Variants in REPIN1 observed in about 807,000 individuals in gnomAD.
REPIN1 encodes DNA-binding protein REPIN1.
In REPIN1, 4 loss-of-function variants were observed where a neutral mutation model predicts 5.7. The ratio of observed to expected loss-of-function variants is 0.71; its 90% CI spans 0.35 to 1.62. The LOEUF (loss-of-function observed/expected upper bound fraction) is 1.62, where lower values mean the gene tolerates loss of function less well. REPIN1 is among the 40% of genes most tolerant of loss of function. REPIN1 has a pLI of 0.05. For missense variants in REPIN1, 854 were observed against 901.0 expected, an observed-to-expected ratio of 0.95 and a Z score of 0.67; for synonymous variants, 410 against 386.2, an observed-to-expected ratio of 1.06 and a Z score of -0.72.
chr7:150,368,692 G>A, upstream of REPIN1: 1 of 226,698 alleles, frequency 4.4e-6, no homozygotes, highest in East Asian at 1.0e-4. Context: ...GGGGGCGCCC[G>A]CGCCCCGGCC....
intron 2 of REPIN1, chr7:150,370,585 A>T: frequency 1.6e-6 from 1 of 611,644 alleles, no homozygotes; most frequent in Non-Finnish European, 2.9e-6. Flanking sequence ...ATGAAAAGCT[A>T]TAGACACCTT....
At chr7:150,371,106 C>A in intron 2 of REPIN1, 122 bp from the exon 3 acceptor site, 2 of 1,112,058 alleles carry the variant, frequency 1.8e-6, no homozygotes, top group Non-Finnish European at 2.5e-6. Context: ...AGTAGTCTAG[C>A]TCCATGTCCG....
chr7:150,369,411 C>T, intron 1 of REPIN1: 1 of 472,996 alleles, frequency 2.1e-6, no homozygotes, highest in South Asian at 2.2e-5. Context: ...CAGACTCTGG[C>T]CACAGAATGG....
Position 150,371,586 on chromosome 7 carries a change from C to A in REPIN1, c.516C>A (p.Gly172=), listed in dbSNP as rs1169423526. The change falls in exon 3 of 3, where the codon GGC becomes GGA. Residue 172 remains glycine (G), a synonymous_variant. Coordinates refer to ENST00000489432, the MANE Select transcript of REPIN1 (RefSeq NM_001099695.2). ...QVHAAATPDL[G]FACHLCGQSF... is the part of the protein sequence containing the mutation. ...ATGCTGCTGCCACCCCAGACCTGGGCTTTGCCTGCCACCTCTGTGGGCAGA... is the reference window on the plus strand; with the variant it reads ...ATGCTGCTGCCACCCCAGACCTGGGATTTGCCTGCCACCTCTGTGGGCAGA... 7 of 1,604,664 alleles carry A rather than the reference C, an allele frequency of 4.4e-6. No individual in the cohort carries two copies. The South Asian group carries it at 7.7e-5, about 18-fold the overall frequency.
In REPIN1 at chr7:150,369,258, A is replaced by C. The variant is rs1799234472; in HGVS notation, c.-42+317A>C. ...GCGATGCGGAAGGGGATTCTGACGG[A>C]GTCGTGGTCACACCAGCTGGCCCTG... On this transcript the variant is annotated intron_variant, in intron 1 of 2. Coordinates refer to ENST00000489432, the MANE Select transcript of REPIN1 (RefSeq NM_001099695.2). 1.3e-5 allele frequency: 5 copies of C among 379,058 alleles called. No individual in the cohort carries two copies. In the South Asian group the frequency reaches 2.8e-4, roughly 21 times the overall value. 23.5% of individuals were successfully genotyped at this position (379,058 alleles called of 1,614,324 possible). A position where few individuals can be genotyped will look rare whatever the true frequency, so the allele number is the denominator to read the frequency against.
At chr7:150,369,036 G>T in intron 1 of REPIN1, 95 bp downstream of exon 1, 1 of 346,148 alleles carries the variant, frequency 2.9e-6, no homozygotes, top group South Asian at 1.4e-4. Flanking sequence ...GACCGTGTGT[G>T]AGTGCGCGGG....
Position 150,368,947 on chromosome 7 carries a change from G to A in REPIN1, c.-42+6G>A, listed in dbSNP as rs1433155937. ...CTGCACAGCCCGCCGCAGAGGTACG[G>A]CCGGGGCAGGGGCGCGGGGCCACCG... On this transcript the variant is annotated splice_donor_region_variant and intron_variant, in intron 1 of 2. Transcript: ENST00000489432. The A allele has an allele frequency of 2.7e-6, 1 of 374,922 alleles. No homozygotes were observed. Among genetic ancestry groups the A allele is most frequent in the Non-Finnish European group, 4.7e-6 (1 of 211,280 alleles). 23.2% of individuals were successfully genotyped at this position (374,922 alleles called of 1,614,324 possible).
At position 150,371,245 on chromosome 7, in the gene REPIN1, C is replaced by T; in HGVS notation, c.175C>T (p.Leu59=). ...ACCCTCAGCAGAGGAAGAACCGATGCTGGAACGTCGTTGCAGGGGCCCCCT... is the reference window on the plus strand; with the variant it reads ...ACCCTCAGCAGAGGAAGAACCGATGTTGGAACGTCGTTGCAGGGGCCCCCT... The part of the protein sequence containing the change: ...CSLQAEEEPM[L]ERRCRGPLAM... Residue 59 remains leucine, a synonymous_variant, in exon 3 of 3, where the codon CTG becomes TTG. Transcript: ENST00000489432. 6.3e-7 allele frequency: 1 copy of T among 1,597,132 alleles called. No homozygotes were observed. The highest frequency in any genetic ancestry group is 8.5e-7 in the Non-Finnish European group (1 of 1,171,194).
intron 2 of REPIN1, 68 bp downstream of exon 2, chr7:150,369,936 G>A: frequency 6.6e-7 from 1 of 1,514,906 alleles, no homozygotes; most frequent in African/African-American, 1.4e-5. Context: ...TCCCCATCCC[G>A]GCGGAAGGAA....
intron 2 of REPIN1, chr7:150,370,280 AC>A (rs1799492941): frequency 4.1e-6 from 1 of 244,028 alleles, no homozygotes; most frequent in African/African-American, 2.2e-5. Flanking sequence ...AATCTCCAGC[AC>A]CCCGAGGGAG....
At chr7:150,371,184 A>G (rs1029345660) in intron 2 of REPIN1, 44 bp from the exon 3 acceptor site, 4 of 1,506,814 alleles carry the variant, frequency 2.7e-6, no homozygotes, top group Non-Finnish European at 3.5e-6. Flanking sequence ...AAACAGGGGC[A>G]GAGTGAGTTG....
chr7:150,371,502 C>A lies in REPIN1; in HGVS notation c.432C>A (p.Cys144Ter), dbSNP rs748276481. Reference sequence around the variant, plus strand: ...GCCAGGCCCGGCTGCCCTTGCCCTGCCCTGAGTGTGGCCGTCGCTTTCGCC... The same window carrying A: ...GCCAGGCCCGGCTGCCCTTGCCCTGACCTGAGTGTGGCCGTCGCTTTCGCC... ...RRCQARLPLP[C>*]PECGRRFRHA... Residue 144 changes from cysteine (C) to a stop codon, truncating the protein, a stop_gained, in exon 3 of 3, where the codon TGC becomes TGA. Transcript: ENST00000489432. LOFTEE classifies it low-confidence loss of function (END_TRUNC). The A allele has an allele frequency of 1.2e-6, 2 of 1,606,884 alleles. No homozygotes were observed. The highest frequency in any genetic ancestry group is 1.7e-6 in the Non-Finnish European group (2 of 1,179,710).
rs767739264 is a variant in REPIN1 at position 150,372,355 on chromosome 7, C to G, written c.1285C>G (p.Pro429Ala). ...CCCGCAGGACCCGATCGAAGCCCCC[C>G]CCTCCCTCTACAGCTGCGACGACTG... The part of the protein sequence containing the change: ...EHPQDPIEAP[P>A]SLYSCDDCGR... The change falls in exon 3 of 3, where the codon CCC (proline) becomes GCC (alanine). Residue 429 changes from proline to alanine, a missense_variant. Around this residue, in one of 5 missense-constraint regions of REPIN1, gnomAD observed 327 missense variants for 307.8 expected, o/e 1.06. Transcript: ENST00000489432. The G allele has an allele frequency of 6.0e-6, 9 of 1,506,174 alleles. No individual in the cohort carries two copies. Among genetic ancestry groups the G allele is most frequent in the African/African-American group, 2.8e-5 (2 of 70,890 alleles). 93.3% of individuals were successfully genotyped at this position (1,506,174 alleles called of 1,614,324 possible). A position where few individuals can be genotyped will look rare whatever the true frequency, so the allele number is the denominator to read the frequency against.
chr7:150,373,049 G>A lies in REPIN1; in HGVS notation c.*104G>A. 6.8e-7 allele frequency: 1 copy of A among 1,467,218 alleles called. No individual in the cohort carries two copies. Among genetic ancestry groups the A allele is most frequent in the South Asian group, 1.3e-5 (1 of 74,870 alleles). The allele number at this position is 1,467,218 out of a possible 1,614,324, so 90.9% of individuals were successfully genotyped here. On this transcript the variant is annotated 3_prime_UTR_variant, in exon 3 of 3. Coordinates refer to ENST00000489432, the MANE Select transcript of REPIN1 (RefSeq NM_001099695.2). ...GCCTAGTGCTGGAGTAGGGGACAAT[G>A]GGAATCCTAGAGGGGATGGAAGACG... is the stretch of plus-strand genomic sequence containing the variant.
chr7:150,372,426 G>C lies in REPIN1; in HGVS notation c.1356G>C (p.Arg452=). ...RLERFLRAHQ[R]QHTGERPFTC... ...AGCGCTTCCTGCGGGCCCACCAGCG[G>C]CAGCACACCGGGGAGCGGCCCTTCA... Residue 452 remains arginine (R), a synonymous_variant, in exon 3 of 3, where the codon CGG becomes CGC. Transcript: ENST00000489432. 6.7e-7 allele frequency: 1 copy of C among 1,501,780 alleles called. No homozygotes were observed. Among genetic ancestry groups the C allele is most frequent in the Non-Finnish European group, 8.8e-7 (1 of 1,133,512 alleles). The allele number at this position is 1,501,780 out of a possible 1,614,324, so 93.0% of individuals were successfully genotyped here.
rs1225229422 is a variant in REPIN1 at position 150,369,718 on chromosome 7, A to T, written c.7A>T (p.Ile3Leu). 1.2e-6 allele frequency: 2 copies of T among 1,613,638 alleles called. No homozygotes were observed. Among genetic ancestry groups the T allele is most frequent in the African/African-American group, 2.7e-5 (2 of 74,842 alleles). Residue 3 changes from isoleucine (I) to leucine (L), a missense_variant, in exon 2 of 3, where the codon ATA (isoleucine) becomes TTA (leucine). By Grantham distance (5) the Ile-to-Leu change is conservative (BLOSUM62 2). Transcript: ENST00000489432. ...CAGAGGTCTGAGCTCTGCCATGGGG[A>T]TAGGGGTGTCTTTATTACTGCAGTT... is the stretch of plus-strand genomic sequence containing the variant. MG[I>L]GVSLLLQFSL...
At position 150,369,162 on chromosome 7, in the gene REPIN1, C is replaced by T. The variant is rs929106200; in HGVS notation, c.-42+221C>T. 32 of 353,606 alleles carry T rather than the reference C, an allele frequency of 9.0e-5. No homozygotes were observed. In the East Asian group the frequency reaches 1.3e-3, roughly 14 times the overall value. 21.9% of individuals were successfully genotyped at this position (353,606 alleles called of 1,614,324 possible). On this transcript the variant is annotated intron_variant, in intron 1 of 2. Transcript: ENST00000489432. ...CTCGCAAGAACGGGACCCGTGTGCCCGGGAGCGTGGACGGAGGACACGCAT... is the reference window on the plus strand; with the variant it reads ...CTCGCAAGAACGGGACCCGTGTGCCTGGGAGCGTGGACGGAGGACACGCAT...
In REPIN1 at chr7:150,369,802, A is replaced by T. The variant is rs748351890; in HGVS notation, c.91A>T (p.Ser31Cys). ...CCGAAGCAGGCGCTGCAGCCGCGGAAGTATCCCCAGGAACATCCCCAAGAG... is the reference window on the plus strand; with the variant it reads ...CCGAAGCAGGCGCTGCAGCCGCGGATGTATCCCCAGGAACATCCCCAAGAG... ...VGRSRRCSRGSIPRNIPKRSW... is the reference protein window; with the variant it reads ...VGRSRRCSRGCIPRNIPKRSW... The change falls in exon 2 of 3, where the codon AGT (serine) becomes TGT (cysteine). Residue 31 changes from serine to cysteine, a missense_variant. By Grantham distance (112) the Ser-to-Cys change is moderately radical (BLOSUM62 -1). This residue lies in a region of REPIN1 where 409 missense variants were observed against 418.6 expected (regional missense o/e 0.98). Coordinates refer to ENST00000489432, the MANE Select transcript of REPIN1 (RefSeq NM_001099695.2). The T allele has an allele frequency of 1.9e-6, 3 of 1,613,854 alleles. No homozygotes were observed. The highest frequency in any genetic ancestry group is 2.5e-6 in the Non-Finnish European group (3 of 1,179,758).
In REPIN1 at chr7:150,373,142, C is replaced by A; in HGVS notation, c.*197C>A. 2 of 754,124 alleles carry A rather than the reference C, an allele frequency of 2.7e-6. No individual in the cohort carries two copies. Among genetic ancestry groups the A allele is most frequent in the Non-Finnish European group, 4.3e-6 (2 of 465,408 alleles). The allele number at this position is 754,124 out of a possible 1,614,324, so 46.7% of individuals were successfully genotyped here. ...CCCCGGTGGCCAGGGAACCCACTTC[C>A]AAGCGCAGGGACGCCGGCCTCCAGC... is the stretch of plus-strand genomic sequence containing the variant. On this transcript the variant is annotated 3_prime_UTR_variant, in exon 3 of 3. Transcript: ENST00000489432.
Sources: gnomAD v4.1 joint callset for allele counts on GRCh38, gnomAD v4.1.1 for gene constraint, gnomAD v4.1.1 regional missense constraint, MANE v1.5 for transcripts, NCBI Gene and HGNC (gene_info 2026-07-23, HGNC 2026-07-21) for gene names.